The following GRAP2 variants were observed in gnomAD, a reference collection of about 807,000 sequenced individuals.
The protein encoded by GRAP2 is GRB2-related adapter protein 2.
Under a neutral mutation model 43.5 loss-of-function variants are expected in GRAP2, and 31 were observed. That is an observed-to-expected ratio of 0.71 (90% CI 0.54 to 0.96). GRAP2 has a LOEUF of 0.96. Ranked by LOEUF, GRAP2 falls within the 40% of genes least tolerant of loss-of-function variation. GRAP2 has a pLI of 0.00. For synonymous variants in GRAP2, 156 were observed against 164.8 expected (o/e 0.95, Z 0.41); for missense variants, 371 against 424.4 (o/e 0.87, Z 1.11).
chr22:39,895,467 GA>G, the GRAP2 span, among the ~76,000 whole-genome samples: 1 of 152,266 alleles, frequency 6.6e-6, no homozygotes, highest in Non-Finnish European at 1.5e-5. Flanking sequence ...AGGTGACCTG[GA>G]AAACATTGTT....
intron 1 of GRAP2, among the ~76,000 whole-genome samples, chr22:39,924,597 G>A (rs2066681444): frequency 6.6e-6 from 1 of 152,176 alleles, no homozygotes. Context: ...AGCTACTCGG[G>A]AGGCTGAGGC....
chr22:39,952,261 A>G (rs1237456810), intron 2 of GRAP2, among the ~76,000 whole-genome samples: 1 of 152,100 alleles, frequency 6.6e-6, no homozygotes, highest in Non-Finnish European at 1.5e-5. Flanking sequence ...TCCTGACCTT[A>G]GGTGATCCAC....
At chr22:39,970,138 C>A (rs2067222537) in intron 7 of GRAP2, among the ~76,000 whole-genome samples, 1 of 152,024 alleles carries the variant, frequency 6.6e-6, no homozygotes, top group Admixed American at 6.5e-5. Context: ...TTTTTTGAGA[C>A]AGGGTCTCAC....
At chr22:39,958,831 T>G (rs892590707) in intron 3 of GRAP2, among the ~76,000 whole-genome samples, 1 of 152,152 alleles carries the variant, frequency 6.6e-6, no homozygotes, top group Non-Finnish European at 1.5e-5. Flanking sequence ...CCCTGTAGAA[T>G]TGTGTGGCAA....
chr22:39,901,405 A>T (rs2066491689), intron 1 of GRAP2, 75 bp downstream of exon 1: 1 of 502,034 alleles, frequency 2.0e-6, no homozygotes, highest in African/African-American at 2.0e-5. Context: ...AATGTTCTGT[A>T]TGAGTTAATT....
chr22:39,969,564 G>T, intron 7 of GRAP2, 31 bp downstream of exon 7: 1 of 1,611,256 alleles, frequency 6.2e-7, no homozygotes. Context: ...TGGGATCCCT[G>T]GGGAAAGGCC....
chr22:39,927,151 T>C (rs2066711431), intron 1 of GRAP2, among the ~76,000 whole-genome samples: 2 of 152,180 alleles, frequency 1.3e-5, no homozygotes, highest in African/African-American at 2.4e-5. Context: ...AGATGCCACG[T>C]TGATCACGTT....
rs769370836 is a variant in GRAP2 at position 39,968,202 on chromosome 22, A to G, written c.620A>G (p.Tyr207Cys). The G allele has an allele frequency of 3.4e-5, 54 of 1,608,546 alleles. No homozygotes were observed. The South Asian group carries it at 5.5e-4, about 16-fold the overall frequency. ...QHQHQPQPPQ[Y>C]APAPQQLQQP... Reference sequence around the variant, plus strand: ...CAGCACCAGCCACAGCCTCCGCAATATGCCCCAGCGCCCCAGCAGCTGCAG... The same window carrying G: ...CAGCACCAGCCACAGCCTCCGCAATGTGCCCCAGCGCCCCAGCAGCTGCAG... Residue 207 changes from tyrosine to cysteine, a missense_variant, in exon 6 of 8, where the codon TAT becomes TGT. By Grantham distance (194) the Tyr-to-Cys change is radical (BLOSUM62 -2). Coordinates refer to ENST00000344138, the MANE Select transcript of GRAP2 (RefSeq NM_004810.4).
intron 1 of GRAP2, among the ~76,000 whole-genome samples, chr22:39,926,405 A>T (rs1467553038): frequency 1.3e-5 from 2 of 152,088 alleles, no homozygotes; most frequent in Non-Finnish European, 2.9e-5. Flanking sequence ...AAATGAAATA[A>T]ACTGTGTGCC....
chr22:39,894,470 T>G, the GRAP2 span, among the ~76,000 whole-genome samples: 2 of 150,654 alleles, frequency 1.3e-5, no homozygotes, highest in Non-Finnish European at 1.5e-5. Flanking sequence ...TAATGCTAGA[T>G]GACGAGTTAG....
At chr22:39,965,677 CTT>C (rs1271490224) in intron 4 of GRAP2, among the ~76,000 whole-genome samples, 1 of 152,204 alleles carries the variant, frequency 6.6e-6, no homozygotes, top group Non-Finnish European at 1.5e-5. Context: ...TCTTTGATCT[CTT>C]TGTCGTTAAG....
At chr22:39,950,488 T>C (rs1237142853) in intron 2 of GRAP2, among the ~76,000 whole-genome samples, 1 of 152,248 alleles carries the variant, frequency 6.6e-6, no homozygotes, top group East Asian at 1.9e-4. Flanking sequence ...CTAGAAGAGC[T>C]GTGCCTAGAA....
rs71753877 is a variant in GRAP2, at chr22:39,923,039, T to TAA, written c.-15+21725_-15+21726dup. 5.5e-3 allele frequency among the ~76,000 whole-genome samples: 779 copies of TAA among 140,480 alleles called. 5 individuals are homozygous for TAA. Among genetic ancestry groups the TAA allele is most frequent in the African/African-American group, 0.019 (707 of 38,206 alleles). The allele number at this position is 140,480 out of a possible 152,430, so 92.2% of individuals were successfully genotyped here. ...CCTGGGCGACAGAGTGAGATTCAGT[T>TAA]AAAAAAAAAAAAAAAAATTCAGGTA... On this transcript the variant is annotated intron_variant, in intron 1 of 7. Coordinates refer to ENST00000344138, the MANE Select transcript of GRAP2 (RefSeq NM_004810.4).
At chr22:39,936,093 T>C (rs1202298771) in intron 1 of GRAP2, among the ~76,000 whole-genome samples, 1 of 152,098 alleles carries the variant, frequency 6.6e-6, no homozygotes, top group Non-Finnish European at 1.5e-5. Flanking sequence ...GAAATCATGA[T>C]GTGAATAGAA....
chr22:39,894,425 G>A, the GRAP2 span, among the ~76,000 whole-genome samples: 1 of 112,786 alleles, frequency 8.9e-6, no homozygotes, highest in Non-Finnish European at 1.8e-5. Context: ...TGTGGGGTGG[G>A]GGGAGGGGGG....
chr22:39,938,060 A>C (rs1308987486), intron 1 of GRAP2, among the ~76,000 whole-genome samples: 1 of 152,220 alleles, frequency 6.6e-6, no homozygotes, highest in East Asian at 1.9e-4. Flanking sequence ...CATAAGAAGA[A>C]GGAAGTGGCT....
intron 1 of GRAP2, among the ~76,000 whole-genome samples, chr22:39,941,339 G>A (rs1298669991): frequency 6.6e-6 from 1 of 152,170 alleles, no homozygotes; most frequent in Non-Finnish European, 1.5e-5. Context: ...CCACGGATGT[G>A]GAAATAGGAC....
intron 4 of GRAP2, among the ~76,000 whole-genome samples, chr22:39,963,386 G>T (rs7291406): frequency 2.0e-5 from 3 of 152,084 alleles, no homozygotes; most frequent in African/African-American, 7.2e-5. Context: ...GAGAGTAAAA[G>T]GGTCAATGTT....
chr22:39,953,166 C>T (rs1220714453), intron 2 of GRAP2, among the ~76,000 whole-genome samples: 1 of 152,180 alleles, frequency 6.6e-6, no homozygotes, highest in Non-Finnish European at 1.5e-5. Context: ...TTTCTGATGA[C>T]TCTGAAACCC....
Sources: allele counts gnomAD v4.1 joint callset (sites outside exome capture counted in the v4.1 genomes callset), GRCh38; gene constraint gnomAD v4.1.1; transcripts MANE v1.5; gene names NCBI Gene and HGNC (gene_info 2026-07-23, HGNC 2026-07-21).